CSMD3: variants seen among roughly 807,000 people sequenced by gnomAD.
The protein encoded by CSMD3 is CUB and Sushi multiple domains 3, also known as CUB and sushi domain-containing protein 3.
A neutral mutation model predicts 435.2 loss-of-function variants in CSMD3; 177 were observed. The observed-to-expected ratio is 0.41, with a 90% CI of 0.36 to 0.46. The LOEUF (loss-of-function observed/expected upper bound fraction) is 0.46. Among genes scored for constraint, CSMD3 ranks in the 20% least tolerant of loss-of-function variants. CSMD3 has a pLI of 0.34. For synonymous variants in CSMD3, 1,656 were observed against 1,520.5 expected, an observed-to-expected ratio of 1.09 and a Z score of -2.07; for missense variants, 4,265 against 4,504.6, an observed-to-expected ratio of 0.95 and a Z score of 1.52.
At chr8:112,869,491 C>T (rs1313143434) in intron 10 of CSMD3, among the ~76,000 whole-genome samples, 1 of 152,068 alleles carries the variant, frequency 6.6e-6, no homozygotes, top group Non-Finnish European at 1.5e-5. Flanking sequence ...CCTCAAGGAT[C>T]TAGAATGAAA....
intron 12 of CSMD3, among the ~76,000 whole-genome samples, chr8:112,802,856 A>T (rs979201094): frequency 9.2e-5 from 14 of 152,026 alleles, no homozygotes; most frequent in Admixed American, 2.6e-4. Context: ...ATTTAAATTT[A>T]AAATTTTAAA....
chr8:112,365,493 A>C (rs1586888408), intron 38 of CSMD3, among the ~76,000 whole-genome samples: 1 of 114,902 alleles, frequency 8.7e-6, no homozygotes, highest in Non-Finnish European at 1.8e-5. Context: ...TTTTTTTTTT[A>C]CCAAATGGAC....
intron 27 of CSMD3, among the ~76,000 whole-genome samples, chr8:112,527,841 T>C (rs1563661823): frequency 6.6e-6 from 1 of 152,116 alleles, no homozygotes; most frequent in South Asian, 2.1e-4. Flanking sequence ...AGGCAATCAA[T>C]GTTACTGATT....
At position 112,319,910 on chromosome 8, in the gene CSMD3, A is replaced by G. The variant is rs1037955012; in HGVS notation, c.7237T>C (p.Phe2413Leu). 4.3e-6 allele frequency: 7 copies of G among 1,610,044 alleles called. No individual in the cohort carries two copies. In the Admixed American group the frequency reaches 1.2e-4, roughly 27 times the overall value. ...NAEILTEDDE[F>L]EIGDIIRYQC... Reference sequence around the variant, plus strand: ...AATTTAACAGCTTTACCTATTTCAAATTCATCATCTTCCGTCAAAATTTCA... The same window carrying G: ...AATTTAACAGCTTTACCTATTTCAAGTTCATCATCTTCCGTCAAAATTTCA... Residue 2413 changes from phenylalanine to leucine, a missense_variant, in exon 46 of 71, where the codon TTT (phenylalanine) becomes CTT (leucine). Physicochemically the swap from Phe to Leu is conservative, Grantham distance 22. This residue lies in a region of CSMD3 where 3,255 missense variants were observed against 3,380.2 expected (regional missense o/e 0.96). Transcript: ENST00000297405.
intron 32 of CSMD3, among the ~76,000 whole-genome samples, chr8:112,413,946 C>A (rs111924371): frequency 2.0e-5 from 3 of 152,264 alleles, no homozygotes; most frequent in African/African-American, 7.2e-5. Context: ...ACCCTCTCAC[C>A]TCCACCATCC....
intron 1 of CSMD3, among the ~76,000 whole-genome samples, chr8:113,385,370 AT>A (rs1222107947): frequency 6.6e-6 from 1 of 152,124 alleles, no homozygotes; most frequent in African/African-American, 2.4e-5. Context: ...AAATGAAACG[AT>A]TTACCAATGT....
intron 66 of CSMD3, among the ~76,000 whole-genome samples, chr8:112,238,191 A>G (rs1813775276): frequency 7.2e-6 from 1 of 139,676 alleles, no homozygotes; most frequent in Non-Finnish European, 1.5e-5. Context: ...AGCACAGCAC[A>G]TCCCTAGAAA....
At chr8:113,018,813 T>C (rs1485471056) in intron 6 of CSMD3, 1 of 462,484 alleles carries the variant, frequency 2.2e-6, no homozygotes, top group East Asian at 3.8e-5. Context: ...TAAAGAAAAA[T>C]ATTGCATCTG....
intron 6 of CSMD3, among the ~76,000 whole-genome samples, chr8:112,979,225 G>C (rs1316345928): frequency 6.6e-6 from 1 of 151,550 alleles, no homozygotes; most frequent in African/African-American, 2.4e-5. Flanking sequence ...AATTAAAAGG[G>C]GATATATGTC....
intron 9 of CSMD3, among the ~76,000 whole-genome samples, chr8:112,924,549 G>T (rs2082851875): frequency 6.6e-6 from 1 of 151,916 alleles, no homozygotes; most frequent in African/African-American, 2.4e-5. Context: ...AGGAGTTTGA[G>T]CATGTTTCTT....
intron 1 of CSMD3, among the ~76,000 whole-genome samples, chr8:113,390,726 T>C (rs777623306): frequency 6.6e-6 from 1 of 151,924 alleles, no homozygotes; most frequent in Non-Finnish European, 1.5e-5. Flanking sequence ...TCTTCAAGAA[T>C]AAGTGACTAA....
chr8:112,572,592 T>G (rs529429050), intron 24 of CSMD3, among the ~76,000 whole-genome samples: 1 of 152,210 alleles, frequency 6.6e-6, no homozygotes, highest in African/African-American at 2.4e-5. Context: ...TTGAGAAAAT[T>G]TATAGGAGTC....
rs781505184 is a variant in CSMD3, at chr8:112,506,806, C to T, written c.4780G>A (p.Gly1594Arg). Residue 1594 changes from glycine (G) to arginine (R), a missense_variant, in exon 29 of 71, where the codon GGA becomes AGA. Physicochemically the swap from Gly to Arg is moderately radical, Grantham distance 125. Transcript: ENST00000297405. ...GGTGAAAGAATAAAGCCTGAAGATC[C>T]TGTTAAATTGCCTCCACAGGGTGCT... ...CIAPCGGNLTGSSGFILSPNF... is the reference protein window; with the variant it reads ...CIAPCGGNLTRSSGFILSPNF... The T allele has an allele frequency of 1.1e-5, 17 of 1,613,234 alleles. No homozygotes were observed. The East Asian group carries it at 3.6e-4, about 34-fold the overall frequency.
intron 35 of CSMD3, among the ~76,000 whole-genome samples, chr8:112,404,073 A>G (rs1156434131): frequency 1.3e-5 from 2 of 152,126 alleles, no homozygotes; most frequent in Non-Finnish European, 2.9e-5. Context: ...TTGGGGTGGG[A>G]GTGGCGATAT....
intron 10 of CSMD3, among the ~76,000 whole-genome samples, chr8:112,881,927 T>A (rs753389807): frequency 3.3e-5 from 5 of 151,924 alleles, no homozygotes; most frequent in African/African-American, 7.2e-5. Context: ...ATATTATTGA[T>A]TAATTCCAGG....
chr8:112,822,787 T>C, intron 12 of CSMD3, among the ~76,000 whole-genome samples: 1 of 152,144 alleles, frequency 6.6e-6, no homozygotes. Context: ...CATAAATAGC[T>C]CTTATTATTT....
At chr8:113,251,055 A>G (rs2093330832) in intron 3 of CSMD3, among the ~76,000 whole-genome samples, 1 of 152,184 alleles carries the variant, frequency 6.6e-6, no homozygotes, top group African/African-American at 2.4e-5. Flanking sequence ...CAGAGCTTTT[A>G]CATACTTTAT....
At chr8:112,392,864 C>CTTTTTTTTTTTT (rs56809581) in intron 35 of CSMD3, among the ~76,000 whole-genome samples, 5 of 122,164 alleles carry the variant, frequency 4.1e-5, no homozygotes, top group South Asian at 2.6e-4. Context: ...TCTTTTTTTT[C>CTTTTTTTTTTTT]TTTTTTTTTT....
At chr8:113,196,211 G>T (rs753546099) in intron 3 of CSMD3, among the ~76,000 whole-genome samples, 2 of 150,238 alleles carry the variant, frequency 1.3e-5, no homozygotes, top group East Asian at 2.0e-4. Flanking sequence ...AGAGTCATGG[G>T]GCCACAAGAA....
Sources: gnomAD v4.1 joint callset for allele counts (sites outside exome capture counted in the v4.1 genomes callset) on GRCh38, gnomAD v4.1.1 for gene constraint, gnomAD v4.1.1 regional missense constraint, MANE v1.5 for transcripts, NCBI Gene and HGNC (gene_info 2026-07-23, HGNC 2026-07-21) for gene names.